The following SPG7 variants were observed in gnomAD, a reference collection of about 807,000 sequenced individuals.
SPG7 encodes mitochondrial inner membrane m-AAA protease component paraplegin.
A neutral mutation model predicts 81.9 loss-of-function variants in SPG7; 103 were observed. That is an observed-to-expected ratio of 1.26 (90% confidence interval 1.07 to 1.48). The LOEUF is 1.48. SPG7 is among the 40% of genes most tolerant of loss of function. SPG7 has a pLI of 0.00. For synonymous variants in SPG7, 534 were observed against 444.2 expected, an observed-to-expected ratio of 1.20 and a Z score of -2.54; for missense variants, 1,241 against 1,087.3, an observed-to-expected ratio of 1.14 and a Z score of -1.99.
rs1392069496 is a variant in SPG7 at position 89,536,651 on chromosome 16, GAGGCA to G, written c.1324+4016_1324+4020del. ...GGCGGGTGAGGCGGGCGAGGTGGGC[GAGGCA>G]GGCGAGGCGGGTGAGATCGGGCGAG... is the stretch of plus-strand genomic sequence containing the variant. On this transcript the variant is annotated intron_variant, in intron 9 of 16. Coordinates refer to ENST00000645818, the MANE Select transcript of SPG7 (RefSeq NM_003119.4). The G allele has an allele frequency of 1.4e-3, 1,867 of 1,301,250 alleles. 26 individuals carry two copies. Among genetic ancestry groups the G allele is most frequent in the African/African-American group, 9.3e-3 (628 of 67,778 alleles). 80.6% of individuals were successfully genotyped at this position (1,301,250 alleles called of 1,614,324 possible).
At chr16:89,518,799 G>C (rs1049847134) in intron 3 of SPG7, 5 of 152,168 alleles carry the variant, frequency 3.3e-5, no homozygotes, top group Admixed American at 2.0e-4. Context: ...GACAGCCGGA[G>C]GGAGCCTGTG....
chr16:89,530,745 C>A lies in SPG7; in HGVS notation c.924C>A (p.Phe308Leu). The change falls in exon 7 of 17, where the codon TTC (phenylalanine) becomes TTA (leucine). Residue 308 changes from phenylalanine to leucine, a missense_variant. Phe to Leu is a conservative substitution (Grantham distance 22). Coordinates refer to ENST00000645818, the MANE Select transcript of SPG7 (RefSeq NM_003119.4). ...GGAAGATGGGGAAAGGAGTCAGCTT[C>A]AAAGACGTGGCAGGAATGCACGAAG... ...VDGKMGKGVSFKDVAGMHEAK... is the reference protein window; with the variant it reads ...VDGKMGKGVSLKDVAGMHEAK... The A allele has an allele frequency of 6.2e-7, 1 of 1,614,144 alleles. No individual in the cohort carries two copies. Among genetic ancestry groups the A allele is most frequent in the Non-Finnish European group, 8.5e-7 (1 of 1,180,030 alleles).
chr16:89,531,803 C>G, intron 7 of SPG7, 101 bp from the exon 8 acceptor site: 1 of 1,175,168 alleles, frequency 8.5e-7, no homozygotes, highest in Non-Finnish European at 1.3e-6. Context: ...TCATGGCACC[C>G]ACTGCACTCC....
At chr16:89,532,740 G>A (rs535540255) in intron 9 of SPG7, 104 bp downstream of exon 9, 52 of 1,397,162 alleles carry the variant, frequency 3.7e-5, no homozygotes, top group Middle Eastern at 2.5e-4. Context: ...ACTGCACTCC[G>A]GCCTGGGTGA....
At chr16:89,542,813 T>C (rs1259780749) in intron 9 of SPG7, among the ~76,000 whole-genome samples, 2 of 152,126 alleles carry the variant, frequency 1.3e-5, no homozygotes, top group Non-Finnish European at 2.9e-5. Flanking sequence ...CATAGCTCAC[T>C]GCAGCCTTCA....
intron 12 of SPG7, chr16:89,549,273 A>G (rs779162495): frequency 1.5e-5 from 7 of 456,388 alleles, no homozygotes; most frequent in Admixed American, 7.1e-5. Flanking sequence ...AGCTGATTCA[A>G]GTTGTACAGA....
At chr16:89,547,744 C>T (rs1597657850) in intron 11 of SPG7, 3 of 439,134 alleles carry the variant, frequency 6.8e-6, no homozygotes, top group African/African-American at 2.0e-5. Flanking sequence ...TCCTGAGTAG[C>T]TGGGATTACA....
At chr16:89,527,609 G>GT (rs1015730697) in intron 5 of SPG7, among the ~76,000 whole-genome samples, 11 of 152,210 alleles carry the variant, frequency 7.2e-5, no homozygotes, top group African/African-American at 2.7e-4. Context: ...ACACAGGAAG[G>GT]TGAAATTCTC....
In SPG7 at chr16:89,508,474, T is replaced by C. The variant is rs1555608404; in HGVS notation, c.57T>C (p.Pro19=). The C allele has an allele frequency of 6.6e-7, 1 of 1,508,568 alleles. No homozygotes were observed. Among genetic ancestry groups the C allele is most frequent in the Non-Finnish European group, 8.8e-7 (1 of 1,135,582 alleles). The allele number at this position is 1,508,568 out of a possible 1,614,324, so 93.4% of individuals were successfully genotyped here. ...TCCGCCGGGGTCCAGGCCCGGGTCC[T>C]CGGCCGCTGTGGGGCCCAGGCCCGG... ...RALRRGPGPG[P]RPLWGPGPAW... The change falls in exon 1 of 17, where the codon CCT becomes CCC. Residue 19 remains proline, a synonymous_variant. Coordinates refer to ENST00000645818, the MANE Select transcript of SPG7 (RefSeq NM_003119.4).
chr16:89,548,239 C>G (rs2058590439), intron 12 of SPG7, 126 bp downstream of exon 12: 1 of 698,976 alleles, frequency 1.4e-6, no homozygotes, highest in Non-Finnish European at 2.6e-6. Context: ...CGTTGCGTTT[C>G]AGTTCTGCGT....
At chr16:89,537,453 C>G in intron 9 of SPG7, 1 of 1,012,100 alleles carries the variant, frequency 9.9e-7, no homozygotes, top group Non-Finnish European at 1.2e-6. Flanking sequence ...ACGTAGTCAT[C>G]CCCTGGTGGT....
At chr16:89,516,473 C>T (rs2058098051) in intron 3 of SPG7, among the ~76,000 whole-genome samples, 1 of 151,940 alleles carries the variant, frequency 6.6e-6, no homozygotes, top group Non-Finnish European at 1.5e-5. Flanking sequence ...ATCGTTTGAA[C>T]CTGGTAGGCA....
chr16:89,531,616 C>T (rs1031301646), intron 7 of SPG7: 51 of 441,692 alleles, frequency 1.2e-4, no homozygotes, highest in African/African-American at 4.0e-5. Flanking sequence ...TCAAGCTACG[C>T]GCCTGCCTCA....
intron 9 of SPG7, chr16:89,541,436 G>C (rs2058495213): frequency 1.5e-6 from 1 of 659,244 alleles, no homozygotes; most frequent in South Asian, 6.7e-5. Context: ...CGGGTTACTG[G>C]TTGTCAGCAG....
chr16:89,537,380 G>A, intron 9 of SPG7: 1 of 1,113,684 alleles, frequency 9.0e-7, no homozygotes, highest in Non-Finnish European at 1.1e-6. Context: ...TTGATGGGGA[G>A]CGTCGGCGCT....
chr16:89,508,664 GCGGGGCGGGTCGGAGGCCGCCTGGCCC>G, intron 1 of SPG7, 64 bp downstream of exon 1: 3 of 1,411,920 alleles, frequency 2.1e-6, no homozygotes, highest in Non-Finnish European at 2.8e-6. Flanking sequence ...GCCCAGCCCG[GCGGGGCGGGTCGGAGGCCGCCTGGCCC>G]CTGCGGCGGG....
At position 89,524,187 on chromosome 16, in the gene SPG7, G is replaced by A. The variant is rs754129188; in HGVS notation, c.558G>A (p.Val186=). 5.0e-6 allele frequency: 8 copies of A among 1,613,816 alleles called. No individual in the cohort carries two copies. The highest frequency in any genetic ancestry group is 6.8e-6 in the Non-Finnish European group (8 of 1,180,024). ...GCGAGGTGCAGCGCGTCCAGGTGGT[G>A]CCTGAGAGCGACGTGGTGGAAGTCT... ...AKGEVQRVQV[V]PESDVVEVYL... is the part of the protein sequence containing the mutation. Residue 186 remains valine (V), a synonymous_variant, in exon 4 of 17, where the codon GTG becomes GTA. Transcript: ENST00000645818.
At chr16:89,523,205 C>A (rs753278126) in intron 3 of SPG7, 5 of 161,548 alleles carry the variant, frequency 3.1e-5, no homozygotes, top group African/African-American at 1.2e-4. Flanking sequence ...TGGGAAAATT[C>A]TAGAGTCAAG....
At chr16:89,556,179 A>C (rs577961230) in intron 16 of SPG7, 1 of 398,656 alleles carries the variant, frequency 2.5e-6, no homozygotes. Flanking sequence ...ACTTAGTAAA[A>C]TCCCACACCA....
Sources: allele counts gnomAD v4.1 joint callset (sites outside exome capture counted in the v4.1 genomes callset), GRCh38; gene constraint gnomAD v4.1.1; transcripts MANE v1.5; gene names NCBI Gene and HGNC (gene_info 2026-07-23, HGNC 2026-07-21).